PGM5: variants seen among roughly 807,000 people sequenced by gnomAD.
PGM5 encodes the protein phosphoglucomutase-like protein 5.
PGM5 carries 23 observed loss-of-function variants against 59.2 expected under a neutral mutation model. That is an observed-to-expected ratio of 0.39 (90% CI 0.28 to 0.55). The LOEUF (loss-of-function observed/expected upper bound fraction) is 0.55. Ranked by LOEUF, PGM5 falls within the 20% of genes least tolerant of loss-of-function variation. The probability of loss-of-function intolerance (pLI) is 0.66; values close to 1 mark genes in which losing one functional copy is unlikely to be tolerated. For missense variants in PGM5, 574 were observed against 748.3 expected (o/e 0.77, Z 2.72); for synonymous variants, 214 against 286.0 (o/e 0.75, Z 2.54).
intron 7 of PGM5, chr9:68,466,041 CT>C: frequency 1.3e-6 from 1 of 741,548 alleles, no homozygotes; most frequent in African/African-American, 1.9e-5. Context: ...CTTCCCCATT[CT>C]TTGTCTCTTG....
At chr9:68,409,885 A>AAAG (rs1466774751) in intron 6 of PGM5, among the ~76,000 whole-genome samples, 1 of 152,086 alleles carries the variant, frequency 6.6e-6, no homozygotes, top group Non-Finnish European at 1.5e-5. Flanking sequence ...AAAAAAAAAA[A>AAAG]AAAGAACAAA....
chr9:68,399,989 C>A (rs1554680436), intron 6 of PGM5, among the ~76,000 whole-genome samples: 2 of 152,076 alleles, frequency 1.3e-5, no homozygotes, highest in Non-Finnish European at 1.5e-5. Context: ...TAGAAGGATC[C>A]CTTAAATGTT....
At chr9:68,523,118 A>G (rs1283693675) in intron 10 of PGM5, among the ~76,000 whole-genome samples, 4 of 152,216 alleles carry the variant, frequency 2.6e-5, no homozygotes, top group African/African-American at 9.6e-5. Flanking sequence ...GCTCTATTGT[A>G]GGTTGCTAGC....
At chr9:68,425,332 C>G (rs1384153275) in intron 6 of PGM5, among the ~76,000 whole-genome samples, 1 of 152,142 alleles carries the variant, frequency 6.6e-6, no homozygotes, top group Non-Finnish European at 1.5e-5. Flanking sequence ...GTGAAAGCAT[C>G]CCATCTGGTT....
intron 6 of PGM5, among the ~76,000 whole-genome samples, chr9:68,426,285 C>A (rs1395553465): frequency 2.0e-5 from 3 of 151,032 alleles, no homozygotes; most frequent in Non-Finnish European, 4.4e-5. Flanking sequence ...GAGGATGTCA[C>A]AATCATACTG....
intron 10 of PGM5, among the ~76,000 whole-genome samples, chr9:68,521,856 G>A (rs1466317035): frequency 6.6e-6 from 1 of 152,242 alleles, no homozygotes; most frequent in Non-Finnish European, 1.5e-5. Flanking sequence ...CTCAGAGATT[G>A]TGCCTAAAGC....
intron 9 of PGM5, among the ~76,000 whole-genome samples, chr9:68,484,874 G>C (rs1281786070): frequency 1.3e-5 from 2 of 152,116 alleles, no homozygotes; most frequent in Non-Finnish European, 2.9e-5. Context: ...GCCCTGGATA[G>C]GTCTTTTCCA....
intron 9 of PGM5, among the ~76,000 whole-genome samples, chr9:68,487,223 A>C (rs568292074): frequency 6.6e-6 from 1 of 152,240 alleles, no homozygotes; most frequent in South Asian, 2.1e-4. Flanking sequence ...TAGGCATATT[A>C]TTTAACTTCT....
intron 6 of PGM5, among the ~76,000 whole-genome samples, chr9:68,454,399 A>T (rs1256218664): frequency 6.6e-6 from 1 of 152,210 alleles, no homozygotes; most frequent in Non-Finnish European, 1.5e-5. Flanking sequence ...TGGGGACCTC[A>T]TTGATACAAG....
chr9:68,459,912 G>A (rs1176990319), intron 6 of PGM5, among the ~76,000 whole-genome samples: 5 of 152,122 alleles, frequency 3.3e-5, no homozygotes, highest in Non-Finnish European at 5.9e-5. Flanking sequence ...TAAACTGCAT[G>A]TAAGTCCTTT....
At chr9:68,495,649 G>A (rs1051053931) in intron 9 of PGM5, among the ~76,000 whole-genome samples, 2 of 152,198 alleles carry the variant, frequency 1.3e-5, no homozygotes, top group Non-Finnish European at 2.9e-5. Context: ...ATTCATTTAT[G>A]TTAGGAGTAG....
intron 9 of PGM5, among the ~76,000 whole-genome samples, chr9:68,488,774 A>G (rs533791430): frequency 1.6e-4 from 24 of 152,342 alleles, no homozygotes; most frequent in African/African-American, 4.6e-4. Flanking sequence ...TCTTCCTTCT[A>G]TCTTCATGAG....
chr9:68,403,703 C>T (rs2132030438), intron 6 of PGM5, among the ~76,000 whole-genome samples: 1 of 152,180 alleles, frequency 6.6e-6, no homozygotes, highest in Non-Finnish European at 1.5e-5. Context: ...AATCTCTTCA[C>T]TATTCCTTAT....
intron 7 of PGM5, among the ~76,000 whole-genome samples, chr9:68,467,864 C>A (rs1343931868): frequency 1.3e-5 from 2 of 152,012 alleles, no homozygotes; most frequent in Non-Finnish European, 2.9e-5. Flanking sequence ...TCCTTAGTTG[C>A]AATTATAGTA....
At chr9:68,378,930 A>C (rs1285868246) in intron 2 of PGM5, among the ~76,000 whole-genome samples, 1 of 152,202 alleles carries the variant, frequency 6.6e-6, no homozygotes, top group African/African-American at 2.4e-5. Flanking sequence ...ACACACAAAA[A>C]AATAGGGAGA....
At chr9:68,499,500 A>C in intron 10 of PGM5, 139 bp downstream of exon 10, 1 of 841,356 alleles carries the variant, frequency 1.2e-6, no homozygotes, top group South Asian at 1.9e-5. Flanking sequence ...GCTCAGGGCA[A>C]CTCCAAGCAA....
At chr9:68,387,341 G>A in intron 3 of PGM5, 122 bp from the exon 4 acceptor site, 1 of 827,884 alleles carries the variant, frequency 1.2e-6, no homozygotes, top group Non-Finnish European at 2.0e-6. Context: ...CACATCATGT[G>A]CAGGGATATG....
At chr9:68,412,095 A>G (rs1822945283) in intron 6 of PGM5, among the ~76,000 whole-genome samples, 1 of 149,102 alleles carries the variant, frequency 6.7e-6, no homozygotes, top group South Asian at 2.2e-4. Context: ...GTTACTCACA[A>G]TGAATGGTTT....
rs901843131 is a variant in PGM5 at position 68,428,645 on chromosome 9, G to C, written c.1043+36172G>C. On this transcript the variant is annotated intron_variant, in intron 6 of 10. Transcript: ENST00000396396. ...ATCTGAGGTTTGTGATTCTGCATGG[G>C]ATCAGGATTTCCAGGAGTGCCTGTT... is the stretch of plus-strand genomic sequence containing the variant. The C allele has an allele frequency of 5.3e-5, 8 of 152,284 alleles. No homozygotes were observed. In the South Asian group the frequency reaches 1.2e-3, roughly 24 times the overall value. 9.4% of individuals were successfully genotyped at this position (152,284 alleles called of 1,614,324 possible). A position where few individuals can be genotyped will look rare whatever the true frequency, so the allele number is the denominator to read the frequency against.
Sources: gnomAD v4.1 joint callset for allele counts (sites outside exome capture counted in the v4.1 genomes callset) on GRCh38, gnomAD v4.1.1 for gene constraint, MANE v1.5 for transcripts, NCBI Gene and HGNC (gene_info 2026-07-23, HGNC 2026-07-21) for gene names.